Variants in PIKFYVE observed in about 807,000 individuals in gnomAD.
The protein encoded by PIKFYVE is 1-phosphatidylinositol 3-phosphate 5-kinase.
PIKFYVE carries 122 observed loss-of-function variants against 257.9 expected under a neutral mutation model. The observed-to-expected ratio is 0.47, with a 90% CI of 0.41 to 0.55. The LOEUF (loss-of-function observed/expected upper bound fraction) is 0.55, where lower values mean the gene tolerates loss of function less well. PIKFYVE is among the 20% of genes least tolerant of loss of function. PIKFYVE has a pLI of 0.00. For synonymous variants in PIKFYVE, 892 were observed against 868.9 expected (o/e 1.03, Z -0.47); for missense variants, 2,160 against 2,536.6 (o/e 0.85, Z 3.19).
intron 39 of PIKFYVE, among the ~76,000 whole-genome samples, chr2:208,353,323 A>G (rs1472476038): frequency 1.3e-5 from 2 of 152,238 alleles, no homozygotes; most frequent in Non-Finnish European, 2.9e-5. Context: ...TTCTGGCACT[A>G]GTTCCCTAAT....
chr2:208,323,388 A>G (rs1423144538), intron 17 of PIKFYVE, among the ~76,000 whole-genome samples: 2 of 145,268 alleles, frequency 1.4e-5, no homozygotes, highest in African/African-American at 2.6e-5. Flanking sequence ...GCGATAGTTT[A>G]CTGAGAATGA....
intron 1 of PIKFYVE, among the ~76,000 whole-genome samples, chr2:208,266,826 C>T (rs1435238203): frequency 6.6e-6 from 1 of 152,208 alleles, no homozygotes; most frequent in African/African-American, 2.4e-5. Flanking sequence ...GCTGCAGAAA[C>T]GATACCAACC....
chr2:208,321,721 G>A (rs1432658112), intron 17 of PIKFYVE, among the ~76,000 whole-genome samples: 1 of 151,970 alleles, frequency 6.6e-6, no homozygotes, highest in Non-Finnish European at 1.5e-5. Flanking sequence ...GGGATTACAG[G>A]TGCCTGCCAC....
intron 32 of PIKFYVE, 39 bp downstream of exon 32, chr2:208,342,688 G>A: frequency 1.4e-6 from 2 of 1,433,332 alleles, no homozygotes; most frequent in Non-Finnish European, 2.0e-6. Context: ...TGATATCTAT[G>A]TATTTTATGT....
At chr2:208,345,937 T>G in intron 33 of PIKFYVE, 113 bp from the exon 34 acceptor site, 1 of 722,456 alleles carries the variant, frequency 1.4e-6, no homozygotes, top group Non-Finnish European at 2.4e-6. Flanking sequence ...ATATTGTAGG[T>G]GGGCTTAGGT....
chr2:208,298,829 G>A (rs1693315154), intron 8 of PIKFYVE, 50 bp downstream of exon 8: 2 of 1,606,402 alleles, frequency 1.2e-6, no homozygotes, highest in Non-Finnish European at 1.7e-6. Flanking sequence ...CATAGAGAAT[G>A]TTCATGTGAC....
chr2:208,324,041 T>C, intron 17 of PIKFYVE, 101 bp from the exon 18 acceptor site: 1 of 1,299,622 alleles, frequency 7.7e-7, no homozygotes, highest in Non-Finnish European at 1.1e-6. Flanking sequence ...TTGCAAAAAT[T>C]TTCTCCCATT....
rs367936779 is a variant in PIKFYVE at position 208,339,400 on chromosome 2, G to T, written c.4673-18G>T. 13 of 1,613,516 alleles carry T rather than the reference G, an allele frequency of 8.1e-6. No homozygotes were observed. In the African/African-American group the frequency reaches 1.5e-4, roughly 18 times the overall value. Reference sequence around the variant, plus strand: ...TAATGTATGTAAATGACTCATTTAAGATTGTGTTTTTCTTTAGAGGATCGC... The same window carrying T: ...TAATGTATGTAAATGACTCATTTAATATTGTGTTTTTCTTTAGAGGATCGC... On this transcript the variant is annotated intron_variant, in intron 29 of 41. Coordinates refer to ENST00000264380, the MANE Select transcript of PIKFYVE (RefSeq NM_015040.4).
At chr2:208,284,893 T>G (rs11678092) in intron 5 of PIKFYVE, among the ~76,000 whole-genome samples, 42,793 of 151,628 alleles carry the variant, frequency 0.28, 6,213 homozygotes, top group South Asian at 0.45. Context: ...GTTCTTGAGC[T>G]CCTGCCCTCA....
intron 22 of PIKFYVE, 46 bp downstream of exon 22, chr2:208,329,959 C>A: frequency 6.3e-7 from 1 of 1,599,174 alleles, no homozygotes; most frequent in Non-Finnish European, 8.5e-7. Context: ...ATTTTTGATG[C>A]TCAAAATTTC....
rs543184190 is a variant in PIKFYVE at position 208,323,911 on chromosome 2, T to G, written c.2191-231T>G. On this transcript the variant is annotated intron_variant, in intron 17 of 41. Transcript: ENST00000264380. ...CTGTTGGGTGCATAAATGTCTTCTT[T>G]TGAGAAGTGTCTGTTCATGTGCTTC... Among the ~76,000 whole-genome samples, 45 of 152,192 alleles carry G rather than the reference T, an allele frequency of 3.0e-4. No homozygotes were observed. The South Asian group carries it at 5.0e-3, about 17-fold the overall frequency.
intron 7 of PIKFYVE, among the ~76,000 whole-genome samples, chr2:208,295,543 G>C (rs1692857294): frequency 6.6e-6 from 1 of 152,148 alleles, no homozygotes; most frequent in African/African-American, 2.4e-5. Flanking sequence ...GAAGAGGATA[G>C]ACCAGTTGTT....
intron 41 of PIKFYVE, 115 bp from the exon 42 acceptor site, chr2:208,355,073 CTG>C: frequency 1.2e-6 from 1 of 802,586 alleles, no homozygotes; most frequent in Non-Finnish European, 2.1e-6. Flanking sequence ...CCCACTCAGA[CTG>C]CTTCTGCATG....
chr2:208,348,599 A>AGTGTGTGTGTGTGTGTGTGTGT (rs35997291), intron 35 of PIKFYVE, among the ~76,000 whole-genome samples: 18 of 128,998 alleles, frequency 1.4e-4, no homozygotes, highest in South Asian at 5.4e-4. Context: ...AAAAAAAAAA[A>AGTGTGTGTGTGTGTGTGTGTGT]GTGTGTGTGT....
chr2:208,267,345 T>C (rs1401739534), intron 1 of PIKFYVE, among the ~76,000 whole-genome samples: 1 of 152,190 alleles, frequency 6.6e-6, no homozygotes, highest in East Asian at 1.9e-4. Flanking sequence ...ATCTCTTCTG[T>C]GGAGCAAGGC....
chr2:208,276,594 G>T (rs2125051983), intron 3 of PIKFYVE, 118 bp from the exon 4 acceptor site: 2 of 791,670 alleles, frequency 2.5e-6, no homozygotes, highest in Non-Finnish European at 4.6e-6. Context: ...CATATAACCG[G>T]GTGGGAGAAC....
intron 31 of PIKFYVE, among the ~76,000 whole-genome samples, chr2:208,342,006 A>C (rs1698755684): frequency 6.6e-6 from 1 of 152,028 alleles, no homozygotes; most frequent in African/African-American, 2.4e-5. Flanking sequence ...AGATCCTTAA[A>C]AATAGTTTTT....
At chr2:208,307,570 A>G (rs1168846539) in intron 12 of PIKFYVE, among the ~76,000 whole-genome samples, 1 of 52,946 alleles carries the variant, frequency 1.9e-5, no homozygotes, top group Non-Finnish European at 3.5e-5. Flanking sequence ...AGTGATAGAT[A>G]CATTTTTTTT....
At chr2:208,346,417 A>G (rs906365661) in intron 34 of PIKFYVE, among the ~76,000 whole-genome samples, 2 of 152,208 alleles carry the variant, frequency 1.3e-5, no homozygotes, top group Admixed American at 1.3e-4. Context: ...TGCTTCCTAG[A>G]AGAGCTTTCA....
Sources: gnomAD v4.1 joint callset for allele counts (sites outside exome capture counted in the v4.1 genomes callset) on GRCh38, gnomAD v4.1.1 for gene constraint, MANE v1.5 for transcripts, NCBI Gene and HGNC (gene_info 2026-07-23, HGNC 2026-07-21) for gene names.